DBF4: variants seen among roughly 807,000 people sequenced by gnomAD.
DBF4 encodes DBF4-CDC7 kinase regulatory subunit, also known as protein DBF4 homolog A.
DBF4 carries 25 observed loss-of-function variants against 76.6 expected under a neutral mutation model. The ratio of observed to expected loss-of-function variants is 0.33; its 90% CI spans 0.24 to 0.46. The LOEUF is 0.46. DBF4 is among the 20% of genes least tolerant of loss of function. The probability of loss-of-function intolerance (pLI) is 1.00; values close to 1 mark genes in which losing one functional copy is unlikely to be tolerated. For synonymous variants in DBF4, 213 were observed against 258.0 expected, an observed-to-expected ratio of 0.83 and a Z score of 1.67; for missense variants, 638 against 760.8, an observed-to-expected ratio of 0.84 and a Z score of 1.90.
intron 10 of DBF4, among the ~76,000 whole-genome samples, chr7:87,903,046 A>G (rs1193520384): frequency 6.6e-6 from 1 of 152,078 alleles, no homozygotes; most frequent in African/African-American, 2.4e-5. Context: ...TTTGTTGTGA[A>G]CTTGTTTACT....
chr7:87,896,577 A>G lies in DBF4; in HGVS notation c.634+67A>G, dbSNP rs1212604666. 8 of 1,403,220 alleles carry G rather than the reference A, an allele frequency of 5.7e-6. No homozygotes were observed. In the African/African-American group the frequency reaches 1.1e-4, roughly 20 times the overall value. 86.9% of individuals were successfully genotyped at this position (1,403,220 alleles called of 1,614,324 possible). ...GAAAAATCATAAAAGATCTTCTAAA[A>G]TCATATAAACCACCCTCTAAATGAT... is the stretch of plus-strand genomic sequence containing the variant. On this transcript the variant is annotated intron_variant, in intron 7 of 11. Transcript: ENST00000265728.
intron 2 of DBF4, among the ~76,000 whole-genome samples, chr7:87,884,687 A>C (rs1407694637): frequency 6.6e-6 from 1 of 152,230 alleles, no homozygotes; most frequent in Non-Finnish European, 1.5e-5. Context: ...GGTTCAGAAA[A>C]ATACAGTATA....
In DBF4 at chr7:87,907,536, A is replaced by T. The variant is rs1476833564; in HGVS notation, c.1398A>T (p.Glu466Asp). The change falls in exon 12 of 12, where the codon GAA (glutamate) becomes GAT (aspartate). Residue 466 changes from glutamate (E) to aspartate (D), a missense_variant. Transcript: ENST00000265728. ...NKQECILDISEHTLSENDLEE... is the reference protein window; with the variant it reads ...NKQECILDISDHTLSENDLEE... ...AGGAATGCATTCTTGACATTTCCGA[A>T]CACACATTAAGTGAAAATGACTTAG... is the stretch of plus-strand genomic sequence containing the variant. 6 of 1,614,116 alleles carry T rather than the reference A, an allele frequency of 3.7e-6. No homozygotes were observed. In the Admixed American group the frequency reaches 5.0e-5, roughly 13 times the overall value.
In DBF4 at chr7:87,907,182, A is replaced by G. The variant is rs374188686; in HGVS notation, c.1050-6A>G. ...TTAATATTTTTCTTCTATTTTTCCTACAAAGAATAAAATACAGTGTTGGAT... is the reference window on the plus strand; with the variant it reads ...TTAATATTTTTCTTCTATTTTTCCTGCAAAGAATAAAATACAGTGTTGGAT... On this transcript the variant is annotated splice_polypyrimidine_tract_variant and splice_region_variant and intron_variant, in intron 11 of 11. Coordinates refer to ENST00000265728, the MANE Select transcript of DBF4 (RefSeq NM_006716.4). 39 of 1,529,664 alleles carry G rather than the reference A, an allele frequency of 2.5e-5. No individual in the cohort carries two copies. Among genetic ancestry groups the G allele is most frequent in the Non-Finnish European group, 9.6e-6 (11 of 1,142,816 alleles). The allele number at this position is 1,529,664 out of a possible 1,614,324, so 94.8% of individuals were successfully genotyped here.
At chr7:87,896,935 A>T (rs1032350276) in intron 7 of DBF4, among the ~76,000 whole-genome samples, 1 of 152,236 alleles carries the variant, frequency 6.6e-6, no homozygotes, top group Non-Finnish European at 1.5e-5. Context: ...ATTAGCATCA[A>T]AGTCGCAGGT....
At chr7:87,881,925 A>G (rs1250454737) in intron 2 of DBF4, among the ~76,000 whole-genome samples, 1 of 152,252 alleles carries the variant, frequency 6.6e-6, no homozygotes, top group Non-Finnish European at 1.5e-5. Context: ...AGAGGAAAGC[A>G]TATTTAAAAT....
chr7:87,880,335 T>C (rs773776654), intron 2 of DBF4, among the ~76,000 whole-genome samples: 17 of 152,220 alleles, frequency 1.1e-4, no homozygotes, highest in Admixed American at 6.5e-4. Flanking sequence ...CCTGAAATGA[T>C]TGAAGTAGAC....
chr7:87,886,627 C>A (rs1205575468), intron 3 of DBF4, among the ~76,000 whole-genome samples: 1 of 145,372 alleles, frequency 6.9e-6, no homozygotes, highest in Non-Finnish European at 1.5e-5. Flanking sequence ...TTAATAGGAA[C>A]TAAAATGTAA....
intron 6 of DBF4, among the ~76,000 whole-genome samples, chr7:87,892,087 C>G (rs923844808): frequency 6.6e-6 from 1 of 152,094 alleles, no homozygotes; most frequent in African/African-American, 2.4e-5. Flanking sequence ...ATGAACTTAA[C>G]ATTGACACAT....
chr7:87,896,445 CAATCTTTTCACT>C lies in DBF4; in HGVS notation c.598-27_598-16del. On this transcript the variant is annotated splice_polypyrimidine_tract_variant and intron_variant, in intron 6 of 11. Coordinates refer to ENST00000265728, the MANE Select transcript of DBF4 (RefSeq NM_006716.4). ...GCTGTTTTAACTGTACTTTCAAAGCCAATCTTTTCACTATATATTTTTTTTTAGGGCAAAAGA... is the reference window on the plus strand; with the variant it reads ...GCTGTTTTAACTGTACTTTCAAAGCCATATATTTTTTTTTAGGGCAAAAGA... 6.2e-7 allele frequency: 1 copy of C among 1,600,976 alleles called. No individual in the cohort carries two copies. The highest frequency in any genetic ancestry group is 8.5e-7 in the Non-Finnish European group (1 of 1,171,342).
Position 87,908,297 on chromosome 7 carries a change from A to G in DBF4, c.*134A>G. The G allele has an allele frequency of 1.0e-6, 1 of 968,544 alleles. No homozygotes were observed. Among genetic ancestry groups the G allele is most frequent in the Non-Finnish European group, 1.4e-6 (1 of 723,166 alleles). 60.0% of individuals were successfully genotyped at this position (968,544 alleles called of 1,614,324 possible). ...CCAAATGTAAATATTAAAAATAAAT[A>G]TTTGCAATTTTCTACAGAATTGAAT... On this transcript the variant is annotated 3_prime_UTR_variant, in exon 12 of 12. Transcript: ENST00000265728.
chr7:87,907,921 G>A lies in DBF4; in HGVS notation c.1783G>A (p.Glu595Lys). The A allele has an allele frequency of 3.1e-6, 5 of 1,612,610 alleles. No homozygotes were observed. The highest frequency in any genetic ancestry group is 4.2e-6 in the Non-Finnish European group (5 of 1,179,658). ...NRKENLEPNA[E>K]FDKRTEFITQ... ...AAAAGAAAATCTGGAACCAAATGCT[G>A]AATTTGATAAAAGAACTGAATTTAT... The change falls in exon 12 of 12, where the codon GAA becomes AAA. Residue 595 changes from glutamate (E) to lysine (K), a missense_variant. Coordinates refer to ENST00000265728, the MANE Select transcript of DBF4 (RefSeq NM_006716.4).
At chr7:87,901,963 T>C (rs947165523) in intron 10 of DBF4, among the ~76,000 whole-genome samples, 1 of 152,194 alleles carries the variant, frequency 6.6e-6, no homozygotes, top group Non-Finnish European at 1.5e-5. Flanking sequence ...TTTGTGTCAG[T>C]TTTTTTGTTT....
At chr7:87,878,021 G>C (rs185861218) in intron 1 of DBF4, 32 bp from the exon 2 acceptor site, 3 of 1,498,666 alleles carry the variant, frequency 2.0e-6, no homozygotes, top group Admixed American at 2.1e-5. Context: ...AAGTGTCTGT[G>C]TAAAACATCT....
At chr7:87,887,285 T>C (rs1332845907) in intron 4 of DBF4, 44 bp from the exon 5 acceptor site, 2 of 1,339,398 alleles carry the variant, frequency 1.5e-6, no homozygotes, top group Admixed American at 4.9e-5. Flanking sequence ...TTAGCTCATC[T>C]TAAATAATTT....
At position 87,879,249 on chromosome 7, in the gene DBF4, C is replaced by G. The variant is rs1839150733; in HGVS notation, c.219+1024C>G. Reference sequence around the variant, plus strand: ...CAAGCATGAGCCCTCCAGGCCCAGCCGATTCCCAGACTAGAAACTTATCAG... The same window carrying G: ...CAAGCATGAGCCCTCCAGGCCCAGCGGATTCCCAGACTAGAAACTTATCAG... On this transcript the variant is annotated intron_variant, in intron 2 of 11. Transcript: ENST00000265728. 4.6e-5 allele frequency among the ~76,000 whole-genome samples: 7 copies of G among 152,218 alleles called. 1 individual carries two copies. In the South Asian group the frequency reaches 1.5e-3, roughly 32 times the overall value.
Position 87,907,744 on chromosome 7 carries a change from A to G in DBF4, c.1606A>G (p.Ile536Val), listed in dbSNP as rs759715979. ...TACTCATGATTCTGGTCTGATAACA[A>G]TAAACAGTTCACAAGAGCACCTAAC... ...IFTHDSGLIT[I>V]NSSQEHLTVQ... The change falls in exon 12 of 12, where the codon ATA becomes GTA. Residue 536 changes from isoleucine to valine, a missense_variant. Physicochemically the swap from Ile to Val is conservative, Grantham distance 29. Coordinates refer to ENST00000265728, the MANE Select transcript of DBF4 (RefSeq NM_006716.4). The G allele has an allele frequency of 3.1e-6, 5 of 1,614,016 alleles. No individual in the cohort carries two copies. The highest frequency in any genetic ancestry group is 2.2e-5 in the East Asian group (1 of 44,884).
At position 87,904,386 on chromosome 7, in the gene DBF4, A is replaced by T; in HGVS notation, c.1019A>T (p.Glu340Val). ...TCTAAGTTAGTTTTTGACTTTGTGG[A>T]ATATGAAAAGGACACACCTAAAAAG... ...IVSKLVFDFV[E>V]YEKDTPKKKR... Residue 340 changes from glutamate to valine, a missense_variant, in exon 11 of 12, where the codon GAA (glutamate) becomes GTA (valine). Coordinates refer to ENST00000265728, the MANE Select transcript of DBF4 (RefSeq NM_006716.4). The T allele has an allele frequency of 6.2e-7, 1 of 1,613,530 alleles. No homozygotes were observed. Among genetic ancestry groups the T allele is most frequent in the East Asian group, 2.2e-5 (1 of 44,828 alleles).
chr7:87,890,241 T>A (rs1251707348), intron 6 of DBF4, among the ~76,000 whole-genome samples: 3 of 152,200 alleles, frequency 2.0e-5, no homozygotes, highest in Admixed American at 1.3e-4. Flanking sequence ...GTTTGCAGTT[T>A]AAAAAGCATT....
Sources: allele counts gnomAD v4.1 joint callset (sites outside exome capture counted in the v4.1 genomes callset), GRCh38; gene constraint gnomAD v4.1.1; transcripts MANE v1.5; gene names NCBI Gene and HGNC (gene_info 2026-07-23, HGNC 2026-07-21).